The following SHISA9 variants were observed in gnomAD, a reference collection of about 807,000 sequenced individuals.
SHISA9 encodes the protein shisa family member 9.
In SHISA9, 13 loss-of-function variants were observed where a neutral mutation model predicts 38.0. That is an observed-to-expected ratio of 0.34 (90% CI 0.22 to 0.54). The LOEUF is 0.54. Among genes scored for constraint, SHISA9 ranks in the 20% least tolerant of loss-of-function variants. The probability of loss-of-function intolerance (pLI) is 0.91; values close to 1 mark genes in which losing one functional copy is unlikely to be tolerated. For missense variants in SHISA9, 538 were observed against 575.8 expected (o/e 0.93, Z 0.67); for synonymous variants, 275 against 242.0 (o/e 1.14, Z -1.27).
chr16:13,436,623 C>T, the SHISA9 span, among the ~76,000 whole-genome samples: 1 of 152,186 alleles, frequency 6.6e-6, no homozygotes, highest in African/African-American at 2.4e-5. Context: ...TTTTACTTTA[C>T]TCTGTGGACT....
chr16:13,233,518 C>A (rs1312713057), intron 4 of SHISA9, among the ~76,000 whole-genome samples: 2 of 152,224 alleles, frequency 1.3e-5, no homozygotes, highest in South Asian at 4.1e-4. Context: ...TAGTAAATAT[C>A]TCAGGCTCTT....
the SHISA9 span, among the ~76,000 whole-genome samples, chr16:13,512,521 A>G: frequency 1.1e-4 from 17 of 152,314 alleles, no homozygotes; most frequent in South Asian, 2.9e-3. Context: ...TTTCATATGG[A>G]ACCAAAAAAA....
At chr16:13,367,706 G>GCA in the SHISA9 span, among the ~76,000 whole-genome samples, 12 of 115,650 alleles carry the variant, frequency 1.0e-4, no homozygotes, top group East Asian at 2.7e-4. Context: ...GTGCGCGCGC[G>GCA]CGCGCGCACA....
At chr16:13,515,415 T>C in the SHISA9 span, among the ~76,000 whole-genome samples, 1 of 152,142 alleles carries the variant, frequency 6.6e-6, no homozygotes, top group Non-Finnish European at 1.5e-5. Context: ...TCTTATATTT[T>C]AAATTTATTT....
chr16:13,401,528 G>C, the SHISA9 span, among the ~76,000 whole-genome samples: 1 of 152,222 alleles, frequency 6.6e-6, no homozygotes, highest in Non-Finnish European at 1.5e-5. Context: ...TGGTCTGTGA[G>C]GAAGTGATAA....
intron 2 of SHISA9, among the ~76,000 whole-genome samples, chr16:13,066,915 C>T (rs1246188454): frequency 6.6e-6 from 1 of 152,194 alleles, no homozygotes; most frequent in Non-Finnish European, 1.5e-5. Context: ...AAGTTTTGTT[C>T]TAAATGTCTG....
chr16:12,976,647 T>C (rs1458869750), intron 2 of SHISA9, among the ~76,000 whole-genome samples: 6 of 152,098 alleles, frequency 3.9e-5, no homozygotes, highest in African/African-American at 1.2e-4. Context: ...TCATTTTAGG[T>C]GTTCTAAGGT....
chr16:13,306,175 G>C, the SHISA9 span, among the ~76,000 whole-genome samples: 1 of 152,260 alleles, frequency 6.6e-6, no homozygotes, highest in Non-Finnish European at 1.5e-5. Flanking sequence ...GCAAGAGATG[G>C]GAAGCAAGAC....
At chr16:13,240,997 C>A (rs2051430957), downstream of SHISA9, among the ~76,000 whole-genome samples, 1 of 152,152 alleles carries the variant, frequency 6.6e-6, no homozygotes, top group Non-Finnish European at 1.5e-5. Flanking sequence ...AGTATGATAT[C>A]ATGTCAGCTA....
intron 2 of SHISA9, among the ~76,000 whole-genome samples, chr16:12,992,211 A>T (rs2072395912): frequency 1.3e-5 from 2 of 152,010 alleles, no homozygotes; most frequent in Non-Finnish European, 2.9e-5. Context: ...CAAGAAAACC[A>T]AGTCTCTCAG....
intron 2 of SHISA9, among the ~76,000 whole-genome samples, chr16:13,197,156 T>TATATAGAG (rs908292344): frequency 7.1e-6 from 1 of 141,298 alleles, no homozygotes; most frequent in African/African-American, 2.6e-5. Context: ...TATATATATA[T>TATATAGAG]AGAGAGAGAG....
the SHISA9 span, among the ~76,000 whole-genome samples, chr16:13,278,562 G>C: frequency 6.6e-6 from 1 of 151,896 alleles, no homozygotes; most frequent in Non-Finnish European, 1.5e-5. Flanking sequence ...TTTTTTGTTG[G>C]TAATTTTTAA....
chr16:13,308,909 A>G, the SHISA9 span, among the ~76,000 whole-genome samples: 1 of 152,204 alleles, frequency 6.6e-6, no homozygotes, highest in Non-Finnish European at 1.5e-5. Flanking sequence ...AATAAACAGA[A>G]TGAGTTATTT....
chr16:13,509,480 G>A, the SHISA9 span, among the ~76,000 whole-genome samples: 1 of 152,062 alleles, frequency 6.6e-6, no homozygotes, highest in Non-Finnish European at 1.5e-5. Flanking sequence ...AACAGTGCCT[G>A]CCTCACATAA....
the SHISA9 span, among the ~76,000 whole-genome samples, chr16:13,476,489 C>G: frequency 6.6e-6 from 1 of 152,184 alleles, no homozygotes; most frequent in African/African-American, 2.4e-5. Context: ...AGGACCTAGA[C>G]TGAACCCCTG....
At chr16:13,107,439 AAAAC>A (rs536168752) in intron 2 of SHISA9, among the ~76,000 whole-genome samples, 7,959 of 148,726 alleles carry the variant, frequency 0.054, 220 homozygotes, top group Non-Finnish European at 0.061. Context: ...TCTGAAAACA[AAAAC>A]AAACAAACAA....
chr16:13,369,064 G>A, the SHISA9 span, among the ~76,000 whole-genome samples: 1 of 152,110 alleles, frequency 6.6e-6, no homozygotes, highest in Non-Finnish European at 1.5e-5. Context: ...TTAGACAACT[G>A]TTAAAATGAA....
intron 2 of SHISA9, among the ~76,000 whole-genome samples, chr16:13,090,970 C>T (rs2073768880): frequency 6.6e-6 from 1 of 152,136 alleles, no homozygotes. Context: ...GTGCTTCCTT[C>T]AAAACCCTTG....
intron 2 of SHISA9, among the ~76,000 whole-genome samples, chr16:12,944,312 G>C (rs1281662736): frequency 6.6e-6 from 1 of 152,140 alleles, no homozygotes; most frequent in East Asian, 1.9e-4. Flanking sequence ...AGGCTGTCTT[G>C]ACCTCCAAGC....
Sources: gnomAD v4.1 joint callset for allele counts (sites outside exome capture counted in the v4.1 genomes callset) on GRCh38, gnomAD v4.1.1 for gene constraint, MANE v1.5 for transcripts, NCBI Gene and HGNC (gene_info 2026-07-23, HGNC 2026-07-21) for gene names.